C1orf21: variants seen among roughly 807,000 people sequenced by gnomAD.
C1orf21 encodes the protein uncharacterized protein C1orf21.
A neutral mutation model predicts 18.7 loss-of-function variants in C1orf21; 3 were observed. The ratio of observed to expected loss-of-function variants is 0.16; its 90% CI spans 0.07 to 0.42. C1orf21 has a LOEUF of 0.42. Among genes scored for constraint, C1orf21 ranks in the 10% least tolerant of loss-of-function variants. The pLI is 0.99. For missense variants in C1orf21, 104 were observed against 143.6 expected, an observed-to-expected ratio of 0.72 and a Z score of 1.41; for synonymous variants, 41 against 46.4, an observed-to-expected ratio of 0.88 and a Z score of 0.47.
At chr1:184,466,232 G>A (rs1416888057) in intron 1 of C1orf21, among the ~76,000 whole-genome samples, 1 of 152,208 alleles carries the variant, frequency 6.6e-6, no homozygotes, top group Non-Finnish European at 1.5e-5. Flanking sequence ...GGTTAAGGAA[G>A]AGCATCTTGC....
chr1:184,579,700 G>A (rs146219744), intron 3 of C1orf21, among the ~76,000 whole-genome samples: 1,920 of 151,736 alleles, frequency 0.013, 36 homozygotes, highest in African/African-American at 0.043. Flanking sequence ...TAGCAGAGAC[G>A]GGGTTTCACC....
chr1:184,615,325 C>T (rs1307562096), intron 5 of C1orf21, among the ~76,000 whole-genome samples: 1 of 152,120 alleles, frequency 6.6e-6, no homozygotes, highest in Non-Finnish European at 1.5e-5. Context: ...GAGTCTGCAC[C>T]CGAAGGCACT....
rs1300307332 is a variant in C1orf21, at chr1:184,627,626, T to C, written c.*8070T>C. Reference sequence around the variant, plus strand: ...AACACCCACTTTTTCCAGATCTTCCTCTTGCTCTTCACTGAGGAATTTGTA... The same window carrying C: ...AACACCCACTTTTTCCAGATCTTCCCCTTGCTCTTCACTGAGGAATTTGTA... On this transcript the variant is annotated 3_prime_UTR_variant, in exon 6 of 6. Transcript: ENST00000235307. The C allele has an allele frequency of 6.6e-6, 1 of 152,268 alleles. No homozygotes were observed. Among genetic ancestry groups the C allele is most frequent in the East Asian group, 1.9e-4 (1 of 5,200 alleles). 9.4% of individuals were successfully genotyped at this position (152,268 alleles called of 1,614,324 possible).
At chr1:184,566,690 TCAA>T in intron 3 of C1orf21, 1 of 380,844 alleles carries the variant, frequency 2.6e-6, no homozygotes, top group Non-Finnish European at 5.3e-6. Context: ...CCAAGAAGTG[TCAA>T]AAAGGACAAA....
intron 1 of C1orf21, among the ~76,000 whole-genome samples, chr1:184,411,111 C>T (rs552816535): frequency 3.9e-5 from 6 of 151,980 alleles, no homozygotes; most frequent in Admixed American, 2.6e-4. Flanking sequence ...ATGTGGTTTA[C>T]GGGAAAGTTT....
chr1:184,552,021 G>T (rs1334532043), intron 3 of C1orf21, among the ~76,000 whole-genome samples: 1 of 151,606 alleles, frequency 6.6e-6, no homozygotes, highest in Non-Finnish European at 1.5e-5. Flanking sequence ...AGGGCTTTGG[G>T]CAGGCTATGG....
chr1:184,485,931 C>T lies in C1orf21; in HGVS notation c.94+8328C>T, dbSNP rs79430986. Reference sequence around the variant, plus strand: ...CCCTAAGGGCAGGAGAAGTGTTTGACGGATTTGTGATAGGCCAGATTATAG... The same window carrying T: ...CCCTAAGGGCAGGAGAAGTGTTTGATGGATTTGTGATAGGCCAGATTATAG... On this transcript the variant is annotated intron_variant, in intron 2 of 5. Transcript: ENST00000235307. Among the ~76,000 whole-genome samples, 881 of 152,210 alleles carry T rather than the reference C, an allele frequency of 5.8e-3. 4 individuals carry two copies. Among genetic ancestry groups the T allele is most frequent in the Non-Finnish European group, 7.4e-3 (506 of 68,022 alleles).
At chr1:184,441,319 CT>C (rs1656941037) in intron 1 of C1orf21, among the ~76,000 whole-genome samples, 1 of 152,190 alleles carries the variant, frequency 6.6e-6, no homozygotes, top group South Asian at 2.1e-4. Flanking sequence ...CTGAAAGATA[CT>C]TTAAATATTT....
Position 184,559,504 on chromosome 1 carries a change from C to CT in C1orf21, c.190-31235_190-31234insT, listed in dbSNP as rs1658924502. 3.4e-4 allele frequency among the ~76,000 whole-genome samples: 13 copies of CT among 38,018 alleles called. No individual in the cohort carries two copies. In the South Asian group the frequency reaches 0.017, roughly 51 times the overall value. The allele number at this position is 38,018 out of a possible 152,430, so 24.9% of individuals were successfully genotyped here. A position where few individuals can be genotyped will look rare whatever the true frequency, so the allele number is the denominator to read the frequency against. On this transcript the variant is annotated intron_variant, in intron 3 of 5. Transcript: ENST00000235307. ...CTTCCTTCCTTCCTTCCTTCCTTCCCCCCTTCCTTCCTTCCTTCCTTCCTT... is the reference window on the plus strand; with the variant it reads ...CTTCCTTCCTTCCTTCCTTCCTTCCCTCCCTTCCTTCCTTCCTTCCTTCCTT...
intron 4 of C1orf21, chr1:184,592,380 G>A (rs931556072): frequency 1.3e-5 from 2 of 152,098 alleles, no homozygotes; most frequent in Non-Finnish European, 2.9e-5. Flanking sequence ...TGACTATCCC[G>A]AAATGTTTCA....
chr1:184,442,480 G>A (rs1462777225), intron 1 of C1orf21, among the ~76,000 whole-genome samples: 1 of 152,162 alleles, frequency 6.6e-6, no homozygotes, highest in Non-Finnish European at 1.5e-5. Flanking sequence ...CTTCACAAAT[G>A]ATAGCAAACC....
intron 1 of C1orf21, among the ~76,000 whole-genome samples, chr1:184,402,807 T>C (rs936300776): frequency 6.6e-6 from 1 of 152,220 alleles, no homozygotes; most frequent in Non-Finnish European, 1.5e-5. Context: ...ATTAAAACCA[T>C]GGCAAGACGC....
intron 1 of C1orf21, among the ~76,000 whole-genome samples, chr1:184,426,456 G>A (rs1025906087): frequency 1.3e-5 from 2 of 152,224 alleles, no homozygotes; most frequent in East Asian, 1.9e-4. Context: ...AACCCTGAGC[G>A]AGACCCACCC....
intron 1 of C1orf21, among the ~76,000 whole-genome samples, chr1:184,426,420 A>G (rs1214904093): frequency 3.3e-5 from 5 of 152,058 alleles, no homozygotes; most frequent in Non-Finnish European, 7.4e-5. Flanking sequence ...CCCTTCAGTA[A>G]CACACCCCAT....
At chr1:184,566,672 T>C (rs1659039775) in intron 3 of C1orf21, 12 of 397,758 alleles carry the variant, frequency 3.0e-5, no homozygotes, top group South Asian at 2.6e-4. Flanking sequence ...ATTTCACCCA[T>C]GTGGTAGCCA....
chr1:184,610,948 TTAATACTTACTCTCTCTTGGAAATGA>T (rs1659727304), intron 5 of C1orf21, among the ~76,000 whole-genome samples: 1 of 152,086 alleles, frequency 6.6e-6, no homozygotes, highest in Admixed American at 6.5e-5. Flanking sequence ...AGCTGTTTAG[TTAATACTTACTCTCTCTTGGAAATGA>T]AAAGCCCAAT....
chr1:184,558,348 A>G (rs1338375000), intron 3 of C1orf21, among the ~76,000 whole-genome samples: 2 of 152,226 alleles, frequency 1.3e-5, no homozygotes, highest in Non-Finnish European at 2.9e-5. Context: ...AATGACTGCT[A>G]ATGCTTTCAG....
intron 1 of C1orf21, among the ~76,000 whole-genome samples, chr1:184,410,472 T>C (rs1656315477): frequency 1.3e-5 from 2 of 149,250 alleles, no homozygotes; most frequent in South Asian, 4.2e-4. Context: ...CAAATTACAG[T>C]GAATTTTTAT....
intron 2 of C1orf21, among the ~76,000 whole-genome samples, chr1:184,492,643 G>A (rs555991082): frequency 1.3e-5 from 2 of 152,184 alleles, no homozygotes; most frequent in South Asian, 4.1e-4. Context: ...AGGTGAGAAA[G>A]CTTGAAGTGT....
Sources: allele counts gnomAD v4.1 joint callset (sites outside exome capture counted in the v4.1 genomes callset), GRCh38; gene constraint gnomAD v4.1.1; transcripts MANE v1.5; gene names NCBI Gene and HGNC (gene_info 2026-07-23, HGNC 2026-07-21).